Variants in SORCS2 observed in about 807,000 individuals in gnomAD.
The protein encoded by SORCS2 is VPS10 domain-containing receptor SorCS2.
A neutral mutation model predicts 141.6 loss-of-function variants in SORCS2; 100 were observed. That is an observed-to-expected ratio of 0.71 (90% CI 0.60 to 0.83). The LOEUF (loss-of-function observed/expected upper bound fraction) is 0.83, where lower values mean the gene tolerates loss of function less well. SORCS2 is among the 40% of genes least tolerant of loss of function. The pLI is 0.00. For synonymous variants in SORCS2, 789 were observed against 676.9 expected (o/e 1.17, Z -2.57); for missense variants, 1,646 against 1,560.2 (o/e 1.05, Z -0.93).
At chr4:7,198,184 G>A (rs1727275998) in intron 1 of SORCS2, among the ~76,000 whole-genome samples, 2 of 152,164 alleles carry the variant, frequency 1.3e-5, no homozygotes, top group Non-Finnish European at 2.9e-5. Context: ...AGAGAGGTGC[G>A]TGGCTGGGCG....
At chr4:7,667,889 G>A (rs1722594347) in intron 8 of SORCS2, among the ~76,000 whole-genome samples, 1 of 152,178 alleles carries the variant, frequency 6.6e-6, no homozygotes, top group Non-Finnish European at 1.5e-5. Context: ...ACACTAACCT[G>A]TCTGAGATCA....
chr4:7,583,114 C>T (rs1716270428), intron 3 of SORCS2, among the ~76,000 whole-genome samples: 1 of 152,198 alleles, frequency 6.6e-6, no homozygotes, highest in South Asian at 2.1e-4. Flanking sequence ...CCCAGGTCAG[C>T]CTGGGACAGC....
At chr4:7,683,509 C>T (rs115703687) in intron 10 of SORCS2, among the ~76,000 whole-genome samples, 259 of 152,368 alleles carry the variant, frequency 1.7e-3, no homozygotes, top group Non-Finnish European at 3.0e-3. Flanking sequence ...CTCCTGGAAC[C>T]AGCTTAATTC....
chr4:7,483,302 G>T, intron 2 of SORCS2, among the ~76,000 whole-genome samples: 1 of 137,664 alleles, frequency 7.3e-6, no homozygotes, highest in African/African-American at 2.8e-5. Context: ...CAGCCTGGGT[G>T]ACAGAGCGAG....
intron 4 of SORCS2, among the ~76,000 whole-genome samples, chr4:7,651,595 C>T (rs958721026): frequency 1.3e-5 from 2 of 152,204 alleles, no homozygotes; most frequent in Admixed American, 6.5e-5. Flanking sequence ...CTAGAAACAG[C>T]GAATGAGACA....
At chr4:7,708,742 A>C (rs932510384) in intron 14 of SORCS2, among the ~76,000 whole-genome samples, 2 of 152,194 alleles carry the variant, frequency 1.3e-5, no homozygotes, top group Non-Finnish European at 2.9e-5. Flanking sequence ...GGCCATTCTC[A>C]TAAGAAATGT....
chr4:7,494,181 C>G (rs985042184), intron 2 of SORCS2, among the ~76,000 whole-genome samples: 1 of 152,208 alleles, frequency 6.6e-6, no homozygotes, highest in Non-Finnish European at 1.5e-5. Context: ...GTTTTGTAAC[C>G]TGCTCTTCTT....
In SORCS2 at chr4:7,422,665, T is replaced by A. The variant is rs1048801628; in HGVS notation, c.548+26310T>A. ...CACACTCCTTAGTGTCTCCCTCATC[T>A]CATCCACCTGCAATTCCTCCAGGAT... On this transcript the variant is annotated intron_variant, in intron 2 of 26. Transcript: ENST00000507866. Among the ~76,000 whole-genome samples the A allele has an allele frequency of 1.6e-4, 24 of 152,152 alleles. No homozygotes were observed. In the East Asian group the frequency reaches 4.5e-3, roughly 28 times the overall value.
chr4:7,610,785 C>T (rs1487456065), intron 3 of SORCS2, among the ~76,000 whole-genome samples: 1 of 152,158 alleles, frequency 6.6e-6, no homozygotes, highest in African/African-American at 2.4e-5. Flanking sequence ...GCAGTCAGCA[C>T]TACGATTGGT....
At chr4:7,426,540 G>C (rs545907466) in intron 2 of SORCS2, among the ~76,000 whole-genome samples, 133 of 152,190 alleles carry the variant, frequency 8.7e-4, no homozygotes, top group Non-Finnish European at 1.7e-3. Flanking sequence ...CCTGAGCAAT[G>C]TAGCAAGACC....
rs148995008 is a variant in SORCS2 at position 7,584,583 on chromosome 4, G to A, written c.648+52954G>A. ...AGGGACAAAGGTTTTTCTGAGTGAC[G>A]AGTCTCTCTACTACTCTCACTCTAA... On this transcript the variant is annotated intron_variant, in intron 3 of 26. Transcript: ENST00000507866. Among the ~76,000 whole-genome samples the A allele has an allele frequency of 7.3e-3, 1,105 of 152,272 alleles. 7 individuals are homozygous for A. Among genetic ancestry groups the A allele is most frequent in the Non-Finnish European group, 0.012 (787 of 68,022 alleles).
chr4:7,485,227 G>C (rs915231193), intron 2 of SORCS2, among the ~76,000 whole-genome samples: 2 of 152,208 alleles, frequency 1.3e-5, no homozygotes, highest in African/African-American at 4.8e-5. Flanking sequence ...TCCAGGTCTG[G>C]TCTAAGCCAG....
chr4:7,697,321 G>A (rs2109003268), intron 12 of SORCS2, 47 bp downstream of exon 12: 1 of 1,472,402 alleles, frequency 6.8e-7, no homozygotes, highest in Non-Finnish European at 9.3e-7. Flanking sequence ...CATCCAGCCG[G>A]GACCCTCAGG....
chr4:7,197,136 C>T (rs1347711952), intron 1 of SORCS2, among the ~76,000 whole-genome samples: 3 of 152,216 alleles, frequency 2.0e-5, no homozygotes, highest in South Asian at 2.1e-4. Flanking sequence ...TCGCAGATGC[C>T]ACCTTCTCCC....
intron 1 of SORCS2, among the ~76,000 whole-genome samples, chr4:7,272,450 G>T (rs995563549): frequency 5.3e-5 from 8 of 152,208 alleles, no homozygotes; most frequent in Admixed American, 4.6e-4. Context: ...ATGAAATGTG[G>T]TAATAATGGA....
At chr4:7,249,516 G>A (rs1577320916) in intron 1 of SORCS2, among the ~76,000 whole-genome samples, 1 of 152,202 alleles carries the variant, frequency 6.6e-6, no homozygotes, top group Non-Finnish European at 1.5e-5. Flanking sequence ...GATGAGAGGA[G>A]TATCAGAGAA....
In SORCS2 at chr4:7,374,183, CTTTCTTTCTTTCT is replaced by C. The variant is rs1362914062; in HGVS notation, c.481-22101_481-22089del. 7.3e-3 allele frequency among the ~76,000 whole-genome samples: 908 copies of C among 124,978 alleles called. 7 individuals carry two copies. The highest frequency in any genetic ancestry group is 0.011 in the Non-Finnish European group (632 of 58,352). The allele number at this position is 124,978 out of a possible 152,430, so 82.0% of individuals were successfully genotyped here. On this transcript the variant is annotated intron_variant, in intron 1 of 26. Coordinates refer to ENST00000507866, the MANE Select transcript of SORCS2 (RefSeq NM_020777.3). The stretch of plus-strand genomic sequence containing the variant: ...TCTTTCTTTCTTTCTTTCTTTCTTT[CTTTCTTTCTTTCT>C]TTTTTGCAGAGAGACGTTCAATTGA...
At chr4:7,419,886 T>C (rs755837477) in intron 2 of SORCS2, among the ~76,000 whole-genome samples, 26 of 152,208 alleles carry the variant, frequency 1.7e-4, no homozygotes, top group Non-Finnish European at 3.5e-4. Flanking sequence ...ATGAAGTTTC[T>C]CACTTGTGCA....
At chr4:7,550,078 C>T (rs1246144038) in intron 3 of SORCS2, among the ~76,000 whole-genome samples, 1 of 136,320 alleles carries the variant, frequency 7.3e-6, no homozygotes, top group East Asian at 2.2e-4. Flanking sequence ...CTCCTCTTCA[C>T]ACCTGCCGGG....
Sources: gnomAD v4.1 joint callset for allele counts (sites outside exome capture counted in the v4.1 genomes callset) on GRCh38, gnomAD v4.1.1 for gene constraint, MANE v1.5 for transcripts, NCBI Gene and HGNC (gene_info 2026-07-23, HGNC 2026-07-21) for gene names.